The following CACNA1D variants were observed in gnomAD, a reference collection of about 807,000 sequenced individuals.
CACNA1D encodes calcium voltage-gated channel subunit alpha1 D, also known as voltage-dependent L-type calcium channel subunit alpha-1D.
A neutral mutation model predicts 257.1 loss-of-function variants in CACNA1D; 55 were observed. The ratio of observed to expected loss-of-function variants is 0.21; its 90% CI spans 0.17 to 0.27. The LOEUF (loss-of-function observed/expected upper bound fraction) is 0.27, where lower values mean the gene tolerates loss of function less well. Among genes scored for constraint, CACNA1D ranks in the 10% least tolerant of loss-of-function variants. The pLI, the probability that CACNA1D is intolerant of heterozygous loss-of-function variation, is 1.00. For synonymous variants in CACNA1D, 980 were observed against 1,014.9 expected (o/e 0.97, Z 0.65); for missense variants, 1,876 against 2,784.0 (o/e 0.67, Z 7.34).
At chr3:53,567,404 C>T (rs1363036057) in intron 3 of CACNA1D, among the ~76,000 whole-genome samples, 6 of 152,244 alleles carry the variant, frequency 3.9e-5, no homozygotes, top group Admixed American at 1.3e-4. Flanking sequence ...GTTAGACACA[C>T]ACCCATTCCC....
intron 14 of CACNA1D, among the ~76,000 whole-genome samples, chr3:53,725,999 A>T (rs759831755): frequency 6.6e-6 from 1 of 152,208 alleles, no homozygotes; most frequent in South Asian, 2.1e-4. Flanking sequence ...GTAAATTTAC[A>T]TGAGACATTT....
At chr3:53,631,002 G>A (rs970276167) in intron 3 of CACNA1D, among the ~76,000 whole-genome samples, 1 of 152,214 alleles carries the variant, frequency 6.6e-6, no homozygotes, top group Non-Finnish European at 1.5e-5. Context: ...TGAGCCTTCA[G>A]CAGGTCATAA....
At chr3:53,601,608 C>T (rs1170470392) in intron 3 of CACNA1D, among the ~76,000 whole-genome samples, 2 of 152,214 alleles carry the variant, frequency 1.3e-5, no homozygotes, top group East Asian at 3.8e-4. Context: ...ATTTTTCTGA[C>T]CCCATGTAGA....
In CACNA1D at chr3:53,793,933, A is replaced by C. The variant is rs1172223119; in HGVS notation, c.4924-6316A>C. On this transcript the variant is annotated intron_variant, in intron 40 of 47. Transcript: ENST00000350061. The surrounding 1 kb of genome is among the most constrained non-coding windows in gnomAD (Gnocchi z 4.1). ...ACACACAGCAAACTTGGCACCCCCA[A>C]CACCAGCATCCATAGGCTAAACTCT... Among the ~76,000 whole-genome samples the C allele has an allele frequency of 6.6e-6, 1 of 152,202 alleles. No homozygotes were observed. The highest frequency in any genetic ancestry group is 1.5e-5 in the Non-Finnish European group (1 of 68,044).
intron 3 of CACNA1D, among the ~76,000 whole-genome samples, chr3:53,639,496 C>T (rs145976587): frequency 8.4e-4 from 127 of 152,082 alleles, no homozygotes; most frequent in South Asian, 8.3e-4. Flanking sequence ...AAGTGATTCT[C>T]CTGTGTCAGC....
intron 9 of CACNA1D, among the ~76,000 whole-genome samples, chr3:53,709,080 A>C (rs2094722480): frequency 6.6e-6 from 1 of 152,212 alleles, no homozygotes; most frequent in South Asian, 2.1e-4. Flanking sequence ...TGGGTGCAGC[A>C]GGAATAGGGT....
At chr3:53,735,951 C>T (rs771718138) in intron 20 of CACNA1D, among the ~76,000 whole-genome samples, 4 of 152,166 alleles carry the variant, frequency 2.6e-5, no homozygotes, top group East Asian at 1.9e-4. Context: ...ATGCCTATGT[C>T]GTGTAGACTT....
At chr3:53,735,301 C>T in intron 19 of CACNA1D, 73 bp from the exon 20 acceptor site, 2 of 1,409,992 alleles carry the variant, frequency 1.4e-6, no homozygotes, top group Non-Finnish European at 2.0e-6. Context: ...GCTGCAGTGG[C>T]CCCACACTCT....
chr3:53,810,345 C>G, intron 47 of CACNA1D, 47 bp downstream of exon 47: 1 of 1,575,400 alleles, frequency 6.3e-7, no homozygotes, highest in Non-Finnish European at 8.7e-7. Flanking sequence ...CCAGGAGCAG[C>G]AGAGGTGCAA....
rs537772338 is a variant in CACNA1D at position 53,743,117 on chromosome 3, A to G, written c.2918A>G (p.Gln973Arg). The change falls in exon 22 of 48, where the codon CAA becomes CGA. Residue 973 changes from glutamine (Q) to arginine (R), a missense_variant and splice_region_variant. By Grantham distance (43) the Gln-to-Arg change is conservative. Coordinates refer to ENST00000350061, the MANE Select transcript of CACNA1D (RefSeq NM_001128840.3). ...GTGTCTCTGGTGTCATTTGGGATTC[A>G]GTAAGTATTCTGGGGTGTGTGCCCA... ...VGVSLVSFGI[Q>R]SSAISVVKIL... 9 of 1,598,256 alleles carry G rather than the reference A, an allele frequency of 5.6e-6. No homozygotes were observed. Among genetic ancestry groups the G allele is most frequent in the Non-Finnish European group, 7.7e-6 (9 of 1,165,464 alleles).
intron 15 of CACNA1D, among the ~76,000 whole-genome samples, chr3:53,729,452 G>T (rs565696286): frequency 3.3e-5 from 5 of 152,288 alleles, no homozygotes; most frequent in African/African-American, 1.2e-4. Context: ...AGTTTTGCCT[G>T]CAGATGGCCG....
chr3:53,748,837 G>T (rs901611844), intron 26 of CACNA1D, among the ~76,000 whole-genome samples: 1 of 152,116 alleles, frequency 6.6e-6, no homozygotes, highest in South Asian at 2.1e-4. Context: ...TAAGAGTTCC[G>T]CTAGGCATAG....
intron 29 of CACNA1D, among the ~76,000 whole-genome samples, chr3:53,761,194 A>G (rs1259275729): frequency 6.6e-6 from 1 of 152,164 alleles, no homozygotes; most frequent in East Asian, 1.9e-4. Flanking sequence ...TAGAGGGTGA[A>G]AAGTGGGAGG....
intron 3 of CACNA1D, among the ~76,000 whole-genome samples, chr3:53,564,502 T>G (rs1173497857): frequency 3.3e-5 from 5 of 152,226 alleles, no homozygotes; most frequent in African/African-American, 1.2e-4. Flanking sequence ...GATCCTTTGT[T>G]GTTTATACAT....
chr3:53,685,526 A>G (rs1042991201), intron 8 of CACNA1D, among the ~76,000 whole-genome samples: 1 of 152,178 alleles, frequency 6.6e-6, no homozygotes, highest in African/African-American at 2.4e-5. Flanking sequence ...CGGAATACAC[A>G]TTCTTTTCAG....
At chr3:53,576,818 A>G (rs1012023576) in intron 3 of CACNA1D, among the ~76,000 whole-genome samples, 10 of 152,230 alleles carry the variant, frequency 6.6e-5, no homozygotes, top group South Asian at 2.1e-4. Context: ...TATCCATTCA[A>G]TTTTCATGCT....
chr3:53,536,365 A>G (rs758407394), intron 3 of CACNA1D, among the ~76,000 whole-genome samples: 3 of 151,310 alleles, frequency 2.0e-5, no homozygotes, highest in Non-Finnish European at 4.4e-5. Flanking sequence ...TTTTTTTTTT[A>G]ACTGAGAAAA....
At chr3:53,553,067 A>G (rs1258020584) in intron 3 of CACNA1D, among the ~76,000 whole-genome samples, 1 of 152,236 alleles carries the variant, frequency 6.6e-6, no homozygotes, top group Non-Finnish European at 1.5e-5. Flanking sequence ...CTGCACGTGC[A>G]TGAAAGCAGG....
intron 30 of CACNA1D, among the ~76,000 whole-genome samples, chr3:53,768,834 C>A (rs1020222355): frequency 1.3e-5 from 2 of 152,170 alleles, no homozygotes; most frequent in Non-Finnish European, 2.9e-5. Context: ...TCCCCAGATC[C>A]CCAGGGAGGA....
Sources: gnomAD v4.1 joint callset for allele counts (sites outside exome capture counted in the v4.1 genomes callset) on GRCh38, gnomAD v4.1.1 for gene constraint, Gnocchi (gnomAD v3.1) non-coding constraint, MANE v1.5 for transcripts, NCBI Gene and HGNC (gene_info 2026-07-23, HGNC 2026-07-21) for gene names.